The following RBM27 variants were observed in gnomAD, a reference collection of about 807,000 sequenced individuals.
RBM27 encodes RNA binding motif protein 27, also known as RNA-binding protein 27.
In RBM27, 22 loss-of-function variants were observed where a neutral mutation model predicts 135.3. The observed-to-expected ratio is 0.16, with a 90% CI of 0.12 to 0.23. RBM27 has a LOEUF of 0.23. Among genes scored for constraint, RBM27 ranks in the 10% least tolerant of loss-of-function variants. The pLI is 1.00. For missense variants in RBM27, 1,009 were observed against 1,281.0 expected, an observed-to-expected ratio of 0.79 and a Z score of 3.24; for synonymous variants, 481 against 442.4, an observed-to-expected ratio of 1.09 and a Z score of -1.10.
At chr5:146,259,383 A>G (rs1758264192) in intron 11 of RBM27, among the ~76,000 whole-genome samples, 1 of 151,794 alleles carries the variant, frequency 6.6e-6, no homozygotes. Flanking sequence ...ACGCGCCTGT[A>G]ATCCCAGCAA....
chr5:146,210,653 C>T (rs967669715), intron 1 of RBM27, among the ~76,000 whole-genome samples: 2 of 152,144 alleles, frequency 1.3e-5, no homozygotes, highest in Non-Finnish European at 2.9e-5. Context: ...GTGAGCAATA[C>T]ATTTCTGTTT....
At chr5:146,254,593 T>G (rs1291625368) in intron 9 of RBM27, among the ~76,000 whole-genome samples, 4 of 151,994 alleles carry the variant, frequency 2.6e-5, no homozygotes, top group Non-Finnish European at 4.4e-5. Flanking sequence ...GTACAATAAT[T>G]AAAAGGAATG....
At position 146,203,648 on chromosome 5, in the gene RBM27, T is replaced by C. The variant is rs1246284434; in HGVS notation, c.-118T>C. 2.1e-6 allele frequency: 2 copies of C among 949,162 alleles called. No individual in the cohort carries two copies. Among genetic ancestry groups the C allele is most frequent in the Non-Finnish European group, 3.3e-6 (2 of 610,392 alleles). The allele number at this position is 949,162 out of a possible 1,614,324, so 58.8% of individuals were successfully genotyped here. A position where few individuals can be genotyped will look rare whatever the true frequency, so the allele number is the denominator to read the frequency against. On this transcript the variant is annotated 5_prime_UTR_variant, in exon 1 of 21. Coordinates refer to ENST00000265271, the MANE Select transcript of RBM27 (RefSeq NM_018989.2). Reference sequence around the variant, plus strand: ...GCCGGGGGAGTAGGTTGAAGTCTCCTAAGATGCCCGGTGGGCTGGGGCACC... The same window carrying C: ...GCCGGGGGAGTAGGTTGAAGTCTCCCAAGATGCCCGGTGGGCTGGGGCACC...
chr5:146,235,061 TAAATAAATAAATAAAA>T (rs1757101080), intron 7 of RBM27, among the ~76,000 whole-genome samples: 2 of 150,888 alleles, frequency 1.3e-5, no homozygotes, highest in Admixed American at 1.3e-4. Context: ...AATAAATAAA[TAAATAAATAAATAAAA>T]GATGGCAAAT....
chr5:146,238,684 G>C (rs894480689), intron 8 of RBM27, among the ~76,000 whole-genome samples: 7 of 149,474 alleles, frequency 4.7e-5, no homozygotes, highest in Admixed American at 2.6e-4. Context: ...TACAAGGCCT[G>C]GTAACTTTAT....
At chr5:146,266,190 G>T (rs1398712402) in intron 14 of RBM27, among the ~76,000 whole-genome samples, 2 of 151,898 alleles carry the variant, frequency 1.3e-5, no homozygotes, top group African/African-American at 2.4e-5. Context: ...ATCTGATCAG[G>T]CCTCTAGATC....
At chr5:146,244,613 A>G (rs1413919090) in intron 8 of RBM27, among the ~76,000 whole-genome samples, 1 of 151,398 alleles carries the variant, frequency 6.6e-6, no homozygotes, top group Non-Finnish European at 1.5e-5. Flanking sequence ...ATCATGGGTC[A>G]CTGCAGCCTC....
intron 8 of RBM27, among the ~76,000 whole-genome samples, chr5:146,251,190 G>A (rs564762406): frequency 2.6e-5 from 4 of 151,960 alleles, no homozygotes; most frequent in Non-Finnish European, 5.9e-5. Context: ...CTTTGCGAAG[G>A]TATGCATATA....
chr5:146,261,902 A>T, intron 13 of RBM27, 96 bp downstream of exon 13: 2 of 1,284,498 alleles, frequency 1.6e-6, no homozygotes, highest in South Asian at 2.8e-5. Flanking sequence ...CAGAAGAGCT[A>T]CTCTTAATTT....
intron 8 of RBM27, among the ~76,000 whole-genome samples, chr5:146,239,481 T>TC (rs1174815356): frequency 2.8e-5 from 4 of 143,930 alleles, no homozygotes; most frequent in African/African-American, 1.1e-4. Flanking sequence ...TCTTTTTTTT[T>TC]TTTTTTTTTT....
chr5:146,267,154 AT>A (rs954343893), intron 14 of RBM27, among the ~76,000 whole-genome samples: 1 of 152,176 alleles, frequency 6.6e-6, no homozygotes, highest in Admixed American at 6.5e-5. Flanking sequence ...TTATTTTAGG[AT>A]TTTGGCTAAG....
intron 3 of RBM27, among the ~76,000 whole-genome samples, chr5:146,224,035 T>A (rs2126725756): frequency 6.7e-6 from 1 of 149,222 alleles, no homozygotes; most frequent in Middle Eastern, 3.4e-3. Flanking sequence ...AACCTAATTG[T>A]TTGAACCAAG....
At chr5:146,284,180 CT>C (rs1759486969) in intron 19 of RBM27, among the ~76,000 whole-genome samples, 1 of 152,100 alleles carries the variant, frequency 6.6e-6, no homozygotes, top group Non-Finnish European at 1.5e-5. Flanking sequence ...ATAAGAAGAA[CT>C]TTATCCAACA....
At chr5:146,239,287 C>CT (rs1469701745) in intron 8 of RBM27, among the ~76,000 whole-genome samples, 1 of 152,086 alleles carries the variant, frequency 6.6e-6, no homozygotes, top group East Asian at 1.9e-4. Context: ...CTGCAGCCTA[C>CT]TTGACACCAT....
chr5:146,237,151 C>T, intron 7 of RBM27, 147 bp from the exon 8 acceptor site: 1 of 797,744 alleles, frequency 1.3e-6, no homozygotes, highest in South Asian at 1.7e-5. Flanking sequence ...GTTGGTCAGG[C>T]TGGTCTCGAA....
chr5:146,226,636 C>T (rs770111197), intron 3 of RBM27, among the ~76,000 whole-genome samples: 2 of 152,022 alleles, frequency 1.3e-5, no homozygotes, highest in Non-Finnish European at 2.9e-5. Context: ...CTGCCTTGGC[C>T]TCGCAAAGTG....
chr5:146,220,767 T>A (rs1264248065), intron 2 of RBM27, among the ~76,000 whole-genome samples: 1 of 152,152 alleles, frequency 6.6e-6, no homozygotes, highest in Non-Finnish European at 1.5e-5. Flanking sequence ...CCAGTACAGA[T>A]GTTTTCTTTT....
At chr5:146,280,016 C>G (rs1403705955) in intron 19 of RBM27, among the ~76,000 whole-genome samples, 1 of 151,836 alleles carries the variant, frequency 6.6e-6, no homozygotes, top group Non-Finnish European at 1.5e-5. Context: ...CCAAACCTTG[C>G]CTTTTTCACA....
At chr5:146,224,966 C>A (rs1756606817) in intron 3 of RBM27, among the ~76,000 whole-genome samples, 1 of 152,126 alleles carries the variant, frequency 6.6e-6, no homozygotes, top group Non-Finnish European at 1.5e-5. Context: ...TAAAGTACTT[C>A]AGTGTGTATT....
Sources: allele counts gnomAD v4.1 joint callset (sites outside exome capture counted in the v4.1 genomes callset), GRCh38; gene constraint gnomAD v4.1.1; transcripts MANE v1.5; gene names NCBI Gene and HGNC (gene_info 2026-07-23, HGNC 2026-07-21).